The following CGN variants were observed in gnomAD, a reference collection of about 807,000 sequenced individuals.
CGN encodes the protein cingulin.
Under a neutral mutation model 157.1 loss-of-function variants are expected in CGN, and 121 were observed. The ratio of observed to expected loss-of-function variants is 0.77; its 90% confidence interval spans 0.66 to 0.90. The LOEUF is 0.90. CGN is among the 40% of genes least tolerant of loss of function. The probability of loss-of-function intolerance (pLI) is 0.00; values close to 1 mark genes in which losing one functional copy is unlikely to be tolerated. For synonymous variants in CGN, 535 were observed against 607.5 expected (o/e 0.88, Z 1.76); for missense variants, 1,424 against 1,520.9 (o/e 0.94, Z 1.06).
chr1:151,529,860 A>C (rs749155546), intron 11 of CGN, 49 bp from the exon 12 acceptor site: 38 of 1,555,392 alleles, frequency 2.4e-5, no homozygotes, highest in African/African-American at 5.4e-5. Flanking sequence ...CTGGGGTCTG[A>C]GCTGCCACGC....
At chr1:151,530,931 G>C (rs1664822089) in intron 13 of CGN, among the ~76,000 whole-genome samples, 185 bp downstream of exon 13, 1 of 152,092 alleles carries the variant, frequency 6.6e-6, no homozygotes, top group South Asian at 2.1e-4. Flanking sequence ...CCCGAGGTCA[G>C]GAGTTTGAGA....
Position 151,532,528 on chromosome 1 carries a change from G to A in CGN, c.2698G>A (p.Glu900Lys), listed in dbSNP as rs750576628. The change falls in exon 14 of 21, where the codon GAG becomes AAG. Residue 900 changes from glutamate (E) to lysine (K), a missense_variant. Transcript: ENST00000271636. ...AQRQAKDWAS[E>K]AEKTSGGLSR... ...GCGCCAGGCCAAGGATTGGGCCAGT[G>A]AGGCTGAGAAGACCTCTGGAGGACT... The A allele has an allele frequency of 2.5e-6, 4 of 1,597,482 alleles. No homozygotes were observed. Among genetic ancestry groups the A allele is most frequent in the Non-Finnish European group, 3.4e-6 (4 of 1,173,334 alleles).
chr1:151,533,830 T>G, intron 14 of CGN, 145 bp from the exon 15 acceptor site: 1 of 717,466 alleles, frequency 1.4e-6, no homozygotes, highest in Non-Finnish European at 2.2e-6. Flanking sequence ...GAAAAGTCAG[T>G]TTGCTTTTTA....
At chr1:151,520,778 G>A (rs1571658643) in intron 5 of CGN, 87 bp downstream of exon 5, 3 of 1,001,064 alleles carry the variant, frequency 3.0e-6, no homozygotes, top group South Asian at 2.8e-5. Flanking sequence ...ACCCTTCTAA[G>A]CAATGGAACA....
At chr1:151,510,857 A>G (rs1664265289), upstream of CGN, 1 of 152,360 alleles carries the variant, frequency 6.6e-6, no homozygotes, top group East Asian at 1.9e-4. Context: ...GGAGGCCACA[A>G]GATAAAAGAG....
intron 9 of CGN, among the ~76,000 whole-genome samples, chr1:151,526,715 C>A (rs922587648): frequency 6.6e-6 from 1 of 152,182 alleles, no homozygotes; most frequent in African/African-American, 2.4e-5. Context: ...CTCAAGTGAT[C>A]CATCTGCCTT....
At chr1:151,510,222 C>G (rs904764728), upstream of CGN, among the ~76,000 whole-genome samples, 4 of 151,820 alleles carry the variant, frequency 2.6e-5, no homozygotes, top group Non-Finnish European at 4.4e-5. Flanking sequence ...GGACCCACAC[C>G]TAGCTTTTGA....
chr1:151,535,816 G>A lies in CGN; in HGVS notation c.3115G>A (p.Gly1039Ser). The change falls in exon 18 of 21, where the codon GGC (glycine) becomes AGC (serine). Residue 1039 changes from glycine to serine, a missense_variant. Gly to Ser is a moderately conservative substitution (Grantham distance 56). Coordinates refer to ENST00000271636, the MANE Select transcript of CGN (RefSeq NM_020770.3). ...DLKTRLASSE[G>S]FQKPSASLSQ... ...GAAGACCCGGTTGGCCAGCTCAGAA[G>A]GCTTCCAGAAGCCTAGTGCCAGCCT... 6.2e-7 allele frequency: 1 copy of A among 1,614,210 alleles called. No individual in the cohort carries two copies. Among genetic ancestry groups the A allele is most frequent in the Non-Finnish European group, 8.5e-7 (1 of 1,180,028 alleles).
In CGN at chr1:151,530,733, G is replaced by T; in HGVS notation, c.2558G>T (p.Arg853Leu). 1 of 1,552,182 alleles carries T rather than the reference G, an allele frequency of 6.4e-7. No homozygotes were observed. Residue 853 changes from arginine to leucine, a missense_variant, in exon 13 of 21, where the codon CGA (arginine) becomes CTA (leucine). Coordinates refer to ENST00000271636, the MANE Select transcript of CGN (RefSeq NM_020770.3). ...CGTTTGCTGGACAGGACTGTGGACCGACTGAACAAGGAGGTGGGGCATGGG... is the reference window on the plus strand; with the variant it reads ...CGTTTGCTGGACAGGACTGTGGACCTACTGAACAAGGAGGTGGGGCATGGG... ...QKRLLDRTVD[R>L]LNKELEKIGE...
intron 2 of CGN, among the ~76,000 whole-genome samples, chr1:151,519,965 G>C (rs757969309): frequency 6.6e-6 from 1 of 152,186 alleles, no homozygotes; most frequent in Admixed American, 6.5e-5. Context: ...GGTGCATCCT[G>C]TGTTGGCCTC....
intron 10 of CGN, chr1:151,528,083 G>C (rs1664736091): frequency 6.6e-6 from 1 of 150,620 alleles, no homozygotes; most frequent in Non-Finnish European, 1.4e-5. Context: ...AGCCTCCCGA[G>C]TTGCTGGGAC....
At chr1:151,520,356 C>T (rs1480213851) in intron 3 of CGN, 58 bp from the exon 4 acceptor site, 26 of 1,569,904 alleles carry the variant, frequency 1.7e-5, no homozygotes, top group Non-Finnish European at 2.3e-5. Context: ...TTACCCTTTC[C>T]TGATCTCTGC....
At chr1:151,530,899 G>T (rs980057449) in intron 13 of CGN, among the ~76,000 whole-genome samples, 153 bp downstream of exon 13, 1 of 152,120 alleles carries the variant, frequency 6.6e-6, no homozygotes, top group East Asian at 1.9e-4. Flanking sequence ...CCAGCACTTT[G>T]AGAGGCTGAG....
At chr1:151,520,714 G>A (rs368606703) in intron 5 of CGN, 23 bp downstream of exon 5, 26 of 1,596,706 alleles carry the variant, frequency 1.6e-5, no homozygotes, top group African/African-American at 4.0e-5. Flanking sequence ...TAGAGGTGCC[G>A]GAGGCATGAA....
chr1:151,531,694 A>G (rs962718630), intron 13 of CGN, among the ~76,000 whole-genome samples: 7 of 152,236 alleles, frequency 4.6e-5, no homozygotes, highest in Non-Finnish European at 7.3e-5. Context: ...GAAGGAGAAA[A>G]GAAAGAAAAA....
At chr1:151,534,306 A>C (rs748365600) in intron 15 of CGN, 170 bp downstream of exon 15, 11 of 682,280 alleles carry the variant, frequency 1.6e-5, no homozygotes, top group Admixed American at 1.6e-4. Context: ...GGTCACCTAA[A>C]AATTTGGATT....
intron 12 of CGN, among the ~76,000 whole-genome samples, 163 bp downstream of exon 12, chr1:151,530,278 C>T (rs1217489831): frequency 3.3e-5 from 5 of 152,178 alleles, no homozygotes; most frequent in South Asian, 2.1e-4. Context: ...TATACTTTGG[C>T]GCCAATGTTC....
chr1:151,536,865 C>T lies in CGN; in HGVS notation c.3442C>T (p.Arg1148Trp), dbSNP rs373327253. 7.7e-5 allele frequency: 124 copies of T among 1,613,988 alleles called. No individual in the cohort carries two copies. Among genetic ancestry groups the T allele is most frequent in the Non-Finnish European group, 9.6e-5 (113 of 1,180,024 alleles). The change falls in exon 20 of 21, where the codon CGG becomes TGG. Residue 1148 changes from arginine to tryptophan, a missense_variant. By Grantham distance (101) the Arg-to-Trp change is moderately radical (BLOSUM62 -3). This residue lies in a region of CGN where 199 missense variants were observed against 272.2 expected (regional missense o/e 0.73). Transcript: ENST00000271636. ...TGAGGTCAATGAACAGCTCCAGGCC[C>T]GGATCAAGTCTCTGGAGAAGGACTC... ...QHEVNEQLQA[R>W]IKSLEKDSWR...
intron 1 of CGN, among the ~76,000 whole-genome samples, chr1:151,513,029 G>T (rs981248038): frequency 7.2e-5 from 11 of 152,186 alleles, no homozygotes; most frequent in African/African-American, 2.7e-4. Flanking sequence ...AGGGAGGGGT[G>T]GAGGGAGACA....
Sources: gnomAD v4.1 joint callset for allele counts (sites outside exome capture counted in the v4.1 genomes callset) on GRCh38, gnomAD v4.1.1 for gene constraint, gnomAD v4.1.1 regional missense constraint, MANE v1.5 for transcripts, NCBI Gene and HGNC (gene_info 2026-07-23, HGNC 2026-07-21) for gene names.